Variants in AGBL1 observed in about 807,000 individuals in gnomAD.
AGBL1 encodes cytosolic carboxypeptidase 4.
AGBL1 carries 130 observed loss-of-function variants against 118.9 expected under a neutral mutation model. That is an observed-to-expected ratio of 1.09 (90% CI 0.95 to 1.26). The LOEUF (loss-of-function observed/expected upper bound fraction) is 1.26. AGBL1 is among the 50% of genes most tolerant of loss of function. The probability of loss-of-function intolerance (pLI) is 0.00; values close to 1 mark genes in which losing one functional copy is unlikely to be tolerated. For missense variants in AGBL1, 1,584 were observed against 1,298.1 expected, an observed-to-expected ratio of 1.22 and a Z score of -3.38; for synonymous variants, 555 against 478.9, an observed-to-expected ratio of 1.16 and a Z score of -2.08.
chr15:86,788,390 GA>G (rs2078445110), intron 22 of AGBL1, among the ~76,000 whole-genome samples: 1 of 152,196 alleles, frequency 6.6e-6, no homozygotes, highest in Non-Finnish European at 1.5e-5. Flanking sequence ...TGACCTTCAA[GA>G]GATTTCAGGA....
intron 1 of AGBL1, among the ~76,000 whole-genome samples, chr15:86,128,625 A>G (rs2076779412): frequency 6.6e-6 from 1 of 152,186 alleles, no homozygotes; most frequent in Admixed American, 6.5e-5. Context: ...TCAACCTTAC[A>G]GTGTTTGCGC....
rs1224045618 is a variant in AGBL1 at position 86,952,056 on chromosome 15, C to A, written c.3222-35931C>A. ...GACCAGCCTGGTCGACATGGTGAAA[C>A]CCCGTCTCTACTAAAAATACAAAAA... is the stretch of plus-strand genomic sequence containing the variant. On this transcript the variant is annotated intron_variant, in intron 23 of 24. Transcript: ENST00000441037. 2.6e-5 allele frequency among the ~76,000 whole-genome samples: 4 copies of A among 152,128 alleles called. No homozygotes were observed. The East Asian group carries it at 7.7e-4, about 29-fold the overall frequency.
chr15:86,471,414 G>A (rs1158263407), intron 18 of AGBL1, among the ~76,000 whole-genome samples: 1 of 151,482 alleles, frequency 6.6e-6, no homozygotes, highest in Non-Finnish European at 1.5e-5. Context: ...CTCAGTGTTT[G>A]ACTGTTTCAA....
At chr15:86,876,427 C>T (rs914582244) in intron 22 of AGBL1, among the ~76,000 whole-genome samples, 2 of 152,072 alleles carry the variant, frequency 1.3e-5, no homozygotes, top group African/African-American at 2.4e-5. Flanking sequence ...GCTGCTGACT[C>T]CCCGAGATGT....
intron 22 of AGBL1, among the ~76,000 whole-genome samples, chr15:86,716,558 T>C (rs2086641504): frequency 6.6e-6 from 1 of 152,068 alleles, no homozygotes; most frequent in Non-Finnish European, 1.5e-5. Flanking sequence ...TGACCAAGAC[T>C]TGGAAGGGAG....
chr15:86,408,859 C>T (rs1406925612), intron 18 of AGBL1, among the ~76,000 whole-genome samples: 1 of 152,010 alleles, frequency 6.6e-6, no homozygotes, highest in South Asian at 2.1e-4. Context: ...TGAGGAACTA[C>T]AATTTTTCCT....
chr15:86,958,064 A>C (rs974711621), intron 23 of AGBL1, among the ~76,000 whole-genome samples: 1 of 151,926 alleles, frequency 6.6e-6, no homozygotes, highest in South Asian at 2.1e-4. Context: ...AAATTAGCCG[A>C]TTGTGTGTCA....
chr15:86,275,694 A>C (rs950658307), intron 15 of AGBL1, among the ~76,000 whole-genome samples: 1 of 152,206 alleles, frequency 6.6e-6, no homozygotes, highest in Admixed American at 6.5e-5. Flanking sequence ...GGAAAGGCAA[A>C]CAAAAAGCCT....
intron 1 of AGBL1, among the ~76,000 whole-genome samples, chr15:86,101,807 T>C (rs902825785): frequency 9.2e-5 from 14 of 152,180 alleles, no homozygotes; most frequent in Non-Finnish European, 4.4e-5. Context: ...TAGTTCAGTG[T>C]TTTCTAAAAA....
intron 22 of AGBL1, among the ~76,000 whole-genome samples, chr15:86,777,938 C>T (rs540611633): frequency 1.6e-4 from 24 of 152,108 alleles, no homozygotes; most frequent in East Asian, 1.2e-3. Flanking sequence ...AGATATCCTG[C>T]GAAATTCAGC....
chr15:86,245,484 C>A (rs993746475), intron 6 of AGBL1, among the ~76,000 whole-genome samples: 1 of 152,262 alleles, frequency 6.6e-6, no homozygotes, highest in South Asian at 2.1e-4. Flanking sequence ...GTACCTAGTC[C>A]CTAGGAGCCA....
chr15:86,143,827 G>A lies in AGBL1; in HGVS notation c.244G>A (p.Ala82Thr), dbSNP rs1319190765. ...DILLPLFRLL[A>T]KVGLRDKKIG... ...CCTCCTGCCTCTCTTCCGGCTGCTG[G>A]CCAAAGTTGGCCTAAGAGGTACTCG... Residue 82 changes from alanine to threonine, a missense_variant, in exon 3 of 23, where the codon GCC becomes ACC. By Grantham distance (58) the Ala-to-Thr change is moderately conservative. Coordinates refer to ENST00000614907, the MANE Select transcript of AGBL1 (RefSeq NM_001386094.1). 3 of 1,613,596 alleles carry A rather than the reference G, an allele frequency of 1.9e-6. No homozygotes were observed. Among genetic ancestry groups the A allele is most frequent in the East Asian group, 4.5e-5 (2 of 44,828 alleles).
At chr15:86,849,513 CTTTCTTTTTTT>C (rs2079371666) in intron 22 of AGBL1, among the ~76,000 whole-genome samples, 1 of 87,714 alleles carries the variant, frequency 1.1e-5, no homozygotes, top group Non-Finnish European at 2.6e-5. Flanking sequence ...TTCTTTCTTT[CTTTCTTTTTTT>C]TTTTTTTTGG....
chr15:86,803,856 G>C (rs1377269091), intron 22 of AGBL1, among the ~76,000 whole-genome samples: 2 of 152,058 alleles, frequency 1.3e-5, no homozygotes, highest in African/African-American at 4.8e-5. Flanking sequence ...GTATCTGTTG[G>C]GTAGAGATCA....
chr15:86,186,008 G>T lies in AGBL1; in HGVS notation c.488+26982G>T, dbSNP rs73445637. On this transcript the variant is annotated intron_variant, in intron 5 of 22. Coordinates refer to ENST00000614907, the MANE Select transcript of AGBL1 (RefSeq NM_001386094.1). ...GTTTTTGAAAATTACCTTTTAAGTA[G>T]TTCCTATAGGGTGGGATTTCATCAC... 3.5e-3 allele frequency among the ~76,000 whole-genome samples: 527 copies of T among 152,174 alleles called. 3 individuals carry two copies. The highest frequency in any genetic ancestry group is 0.012 in the African/African-American group (506 of 41,496).
intron 22 of AGBL1, among the ~76,000 whole-genome samples, chr15:86,836,121 G>A (rs559536967): frequency 6.6e-6 from 1 of 152,280 alleles, no homozygotes; most frequent in South Asian, 2.1e-4. Flanking sequence ...TTTTTATACA[G>A]CTAAACAGAG....
intron 24 of AGBL1, among the ~76,000 whole-genome samples, chr15:87,016,012 A>T (rs1273735951): frequency 2.0e-5 from 3 of 152,180 alleles, no homozygotes; most frequent in Non-Finnish European, 4.4e-5. Context: ...ACTTGATGTT[A>T]TCTGAGCTAA....
intron 5 of AGBL1, among the ~76,000 whole-genome samples, chr15:86,206,996 A>C (rs1382996925): frequency 6.6e-6 from 1 of 152,218 alleles, no homozygotes; most frequent in African/African-American, 2.4e-5. Context: ...TATAAGATAT[A>C]GGGAAGGGAT....
intron 13 of AGBL1, among the ~76,000 whole-genome samples, chr15:86,269,413 T>G (rs2079121904): frequency 1.3e-5 from 2 of 152,210 alleles, no homozygotes; most frequent in Admixed American, 1.3e-4. Flanking sequence ...TGTGATTGAA[T>G]TTTCTCTGGT....
Sources: gnomAD v4.1 joint callset for allele counts (sites outside exome capture counted in the v4.1 genomes callset) on GRCh38, gnomAD v4.1.1 for gene constraint, MANE v1.5 for transcripts, NCBI Gene and HGNC (gene_info 2026-07-23, HGNC 2026-07-21) for gene names.